Variants in AGBL4 observed in about 807,000 individuals in gnomAD.
AGBL4 encodes the protein cytosolic carboxypeptidase 6.
A neutral mutation model predicts 66.4 loss-of-function variants in AGBL4; 58 were observed. The observed-to-expected ratio is 0.87, with a 90% CI of 0.71 to 1.09. The LOEUF is 1.09. Ranked by LOEUF, AGBL4 falls within the 50% of genes least tolerant of loss-of-function variation. The pLI, the probability that AGBL4 is intolerant of heterozygous loss-of-function variation, is 0.00. For synonymous variants in AGBL4, 234 were observed against 222.9 expected (o/e 1.05, Z -0.44); for missense variants, 579 against 631.0 (o/e 0.92, Z 0.88).
intron 6 of AGBL4, chr1:48,727,896 T>C: frequency 1.9e-6 from 3 of 1,602,364 alleles, no homozygotes; most frequent in Non-Finnish European, 1.7e-6. Context: ...TTATTGCAAA[T>C]TGTATTTTGC....
chr1:48,873,930 TG>T (rs1471095686), intron 5 of AGBL4, among the ~76,000 whole-genome samples: 2 of 152,006 alleles, frequency 1.3e-5, no homozygotes, highest in African/African-American at 4.8e-5. Flanking sequence ...CGTGTTGTTC[TG>T]GGAGCTCAGT....
chr1:49,972,273 A>G (rs926597094), intron 1 of AGBL4, among the ~76,000 whole-genome samples: 1 of 151,992 alleles, frequency 6.6e-6, no homozygotes, highest in African/African-American at 2.4e-5. Flanking sequence ...TCACCCTAAC[A>G]GTGAACATTG....
At chr1:49,565,443 G>C (rs946710807) in intron 3 of AGBL4, among the ~76,000 whole-genome samples, 1 of 152,078 alleles carries the variant, frequency 6.6e-6, no homozygotes, top group Non-Finnish European at 1.5e-5. Flanking sequence ...GGCTGGTACT[G>C]GTTGTTCCCT....
chr1:48,992,794 AC>A (rs1660704179), intron 5 of AGBL4, among the ~76,000 whole-genome samples: 1 of 151,800 alleles, frequency 6.6e-6, no homozygotes, highest in Non-Finnish European at 1.5e-5. Context: ...CTGCCAGACT[AC>A]CACTTATGTT....
intron 9 of AGBL4, among the ~76,000 whole-genome samples, chr1:48,631,639 C>A (rs1645595810): frequency 6.6e-6 from 1 of 152,184 alleles, no homozygotes; most frequent in South Asian, 2.1e-4. Flanking sequence ...GGTGGTCCGC[C>A]TGCCTCAGCT....
At chr1:49,236,694 C>T (rs1032294541) in intron 4 of AGBL4, among the ~76,000 whole-genome samples, 2 of 151,966 alleles carry the variant, frequency 1.3e-5, no homozygotes, top group Non-Finnish European at 2.9e-5. Flanking sequence ...TACATTGTTA[C>T]AATATGTGTG....
intron 3 of AGBL4, among the ~76,000 whole-genome samples, chr1:49,612,347 G>T (rs1045527651): frequency 2.6e-5 from 4 of 151,966 alleles, no homozygotes; most frequent in African/African-American, 9.7e-5. Context: ...TTAAAAGCCA[G>T]AAATTTATTT....
At chr1:48,593,877 C>A (rs1644955513) in intron 9 of AGBL4, among the ~76,000 whole-genome samples, 1 of 152,162 alleles carries the variant, frequency 6.6e-6, no homozygotes, top group South Asian at 2.1e-4. Flanking sequence ...ACACCCCTAG[C>A]CTATTACCTT....
intron 3 of AGBL4, among the ~76,000 whole-genome samples, chr1:49,538,038 A>G (rs1281601706): frequency 6.6e-6 from 1 of 152,218 alleles, no homozygotes; most frequent in Admixed American, 6.5e-5. Flanking sequence ...ACCTGTATAC[A>G]GAGTTCTCAA....
Position 48,534,189 on chromosome 1 carries a change from G to A in AGBL4, c.1496C>T (p.Pro499Leu), listed in dbSNP as rs1276955532. ...TCCGTGTCTTTAAAAAGGGGTTGAAGGGTCTTTGTGGTTCACTGAGCTCTT... is the reference window on the plus strand; with the variant it reads ...TCCGTGTCTTTAAAAAGGGGTTGAAAGGTCTTTGTGGTTCACTGAGCTCTT... Reference protein sequence around the residue: ...DKKSSVNHKDPSTPF With the variant: ...DKKSSVNHKDLSTPF The change falls in exon 14 of 14, where the codon CCT becomes CTT. Residue 499 changes from proline (P) to leucine (L), a missense_variant. Physicochemically the swap from Pro to Leu is moderately conservative, Grantham distance 98. Transcript: ENST00000371839. The A allele has an allele frequency of 1.3e-6, 2 of 1,551,502 alleles. No homozygotes were observed. The highest frequency in any genetic ancestry group is 2.0e-5 in the Admixed American group (1 of 50,990).
chr1:49,296,774 C>A (rs1014158260), intron 3 of AGBL4, among the ~76,000 whole-genome samples: 1 of 152,136 alleles, frequency 6.6e-6, no homozygotes, highest in Non-Finnish European at 1.5e-5. Context: ...AGGAATAAGT[C>A]CTTGGGAGAT....
intron 4 of AGBL4, among the ~76,000 whole-genome samples, chr1:49,232,514 C>T (rs1650394544): frequency 6.6e-6 from 1 of 151,806 alleles, no homozygotes; most frequent in South Asian, 2.1e-4. Flanking sequence ...CTGGCTAACA[C>T]GTTGAAACCC....
intron 2 of AGBL4, among the ~76,000 whole-genome samples, chr1:49,734,473 T>A (rs910420224): frequency 6.6e-6 from 1 of 152,122 alleles, no homozygotes; most frequent in Non-Finnish European, 1.5e-5. Context: ...GAGCAATATA[T>A]GAAATTCTAT....
At chr1:49,506,250 T>G (rs1327814532) in intron 3 of AGBL4, among the ~76,000 whole-genome samples, 1 of 152,136 alleles carries the variant, frequency 6.6e-6, no homozygotes, top group South Asian at 2.1e-4. Flanking sequence ...AAGAAAAAAA[T>G]TTTACAAAAA....
chr1:49,552,311 G>A (rs1653026394), intron 3 of AGBL4, among the ~76,000 whole-genome samples: 1 of 152,152 alleles, frequency 6.6e-6, no homozygotes, highest in Non-Finnish European at 1.5e-5. Context: ...CCCAGGTTCT[G>A]GCCGGGAGGA....
chr1:49,970,916 T>C (rs1041635450), intron 1 of AGBL4, among the ~76,000 whole-genome samples: 1 of 152,194 alleles, frequency 6.6e-6, no homozygotes, highest in Non-Finnish European at 1.5e-5. Flanking sequence ...AAACTATTCA[T>C]CTCTAATCAA....
intron 3 of AGBL4, among the ~76,000 whole-genome samples, chr1:49,449,281 T>C (rs1646226276): frequency 6.6e-6 from 1 of 152,054 alleles, no homozygotes; most frequent in South Asian, 2.1e-4. Context: ...TACATGAGAG[T>C]ATTTTAAATG....
At chr1:49,561,937 G>A (rs1644058427) in intron 3 of AGBL4, among the ~76,000 whole-genome samples, 1 of 151,978 alleles carries the variant, frequency 6.6e-6, no homozygotes, top group Admixed American at 6.6e-5. Context: ...GTGTAAAAGT[G>A]TTCCTATTTC....
intron 3 of AGBL4, among the ~76,000 whole-genome samples, chr1:49,539,831 T>C (rs556373158): frequency 3.9e-5 from 6 of 152,146 alleles, no homozygotes; most frequent in East Asian, 1.9e-4. Flanking sequence ...CCTGGAGAAA[T>C]GGGCATTAAG....
Sources: gnomAD v4.1 joint callset for allele counts (sites outside exome capture counted in the v4.1 genomes callset) on GRCh38, gnomAD v4.1.1 for gene constraint, MANE v1.5 for transcripts, NCBI Gene and HGNC (gene_info 2026-07-23, HGNC 2026-07-21) for gene names.